GLIS3: variants seen among roughly 807,000 people sequenced by gnomAD.
GLIS3 encodes GLIS family zinc finger 3.
GLIS3 carries 53 observed loss-of-function variants against 78.6 expected under a neutral mutation model. The observed-to-expected ratio is 0.67, with a 90% CI of 0.54 to 0.85. The LOEUF (loss-of-function observed/expected upper bound fraction) is 0.85, where lower values mean the gene tolerates loss of function less well. GLIS3 is among the 40% of genes least tolerant of loss of function. The pLI is 0.00. For synonymous variants in GLIS3, 684 were observed against 509.9 expected (o/e 1.34, Z -4.60); for missense variants, 1,703 against 1,231.1 (o/e 1.38, Z -5.74).
intron 4 of GLIS3, among the ~76,000 whole-genome samples, chr9:4,085,017 C>A (rs1828901882): frequency 1.3e-5 from 2 of 149,114 alleles, no homozygotes; most frequent in Non-Finnish European, 3.0e-5. Flanking sequence ...TAAAAAAAAG[C>A]ACATAGAAAA....
At chr9:3,923,431 G>A (rs772029657) in intron 6 of GLIS3, among the ~76,000 whole-genome samples, 4 of 151,960 alleles carry the variant, frequency 2.6e-5, no homozygotes, top group Non-Finnish European at 5.9e-5. Context: ...TAGTCCATAC[G>A]CCAAAAAATC....
chr9:3,864,851 C>T (rs563080235), intron 8 of GLIS3, among the ~76,000 whole-genome samples: 6 of 152,166 alleles, frequency 3.9e-5, no homozygotes, highest in African/African-American at 1.2e-4. Context: ...GCTACTGTTG[C>T]GTATCTCCAG....
chr9:4,337,950 G>A (rs78590128), intron 2 of GLIS3, among the ~76,000 whole-genome samples: 3,358 of 151,994 alleles, frequency 0.022, 137 homozygotes, highest in African/African-American at 0.077. Context: ...GACCAAGCAG[G>A]AGCTAGGACC....
intron 4 of GLIS3, among the ~76,000 whole-genome samples, chr9:4,101,547 G>T (rs544544808): frequency 1.2e-4 from 18 of 152,108 alleles, no homozygotes; most frequent in Non-Finnish European, 2.6e-4. Context: ...AGTCTCCTGG[G>T]TAGAACACGT....
chr9:3,876,524 T>C (rs1203408681), intron 8 of GLIS3, among the ~76,000 whole-genome samples: 1 of 148,672 alleles, frequency 6.7e-6, no homozygotes, highest in African/African-American at 2.5e-5. Context: ...GAGAATGTCC[T>C]TCTTAGGAGA....
At chr9:4,005,036 C>T (rs1821430189) in intron 4 of GLIS3, among the ~76,000 whole-genome samples, 1 of 152,162 alleles carries the variant, frequency 6.6e-6, no homozygotes, top group Non-Finnish European at 1.5e-5. Flanking sequence ...CCTGATGCCC[C>T]CAGTGGTGAA....
At chr9:4,081,620 T>C (rs996240864) in intron 4 of GLIS3, among the ~76,000 whole-genome samples, 1 of 152,208 alleles carries the variant, frequency 6.6e-6, no homozygotes, top group Non-Finnish European at 1.5e-5. Context: ...ATATTTTGAT[T>C]GTGCTAAGCC....
rs545552232 is a variant in GLIS3, at chr9:4,104,600, G to C, written c.1710+13168C>G. On this transcript the variant is annotated intron_variant, in intron 4 of 10. Transcript: ENST00000381971. ...TCTACTCAAAAGCATCCTTTCAGTG[G>C]CCTCCAAGGTCCTAAACAATCTAGC... is the stretch of plus-strand genomic sequence containing the variant. 3.3e-5 allele frequency among the ~76,000 whole-genome samples: 5 copies of C among 152,182 alleles called. No individual in the cohort carries two copies. In the South Asian group the frequency reaches 1.0e-3, roughly 32 times the overall value.
the GLIS3 span, among the ~76,000 whole-genome samples, chr9:4,457,416 G>A: frequency 2.0e-5 from 3 of 151,736 alleles, no homozygotes; most frequent in Admixed American, 2.0e-4. Flanking sequence ...TGCATTGATT[G>A]CACCCTCTGG....
At chr9:4,410,054 T>C in the GLIS3 span, among the ~76,000 whole-genome samples, 1 of 152,042 alleles carries the variant, frequency 6.6e-6, no homozygotes, top group Non-Finnish European at 1.5e-5. Flanking sequence ...CACTGCAAAC[T>C]CTGCCTCCCA....
the GLIS3 span, among the ~76,000 whole-genome samples, chr9:4,456,401 T>C: frequency 6.6e-6 from 1 of 152,306 alleles, no homozygotes; most frequent in Admixed American, 6.5e-5. Context: ...TCACAAAAGC[T>C]TTCTCTAGCA....
At chr9:4,464,023 G>A in the GLIS3 span, among the ~76,000 whole-genome samples, 2 of 152,230 alleles carry the variant, frequency 1.3e-5, no homozygotes, top group Non-Finnish European at 2.9e-5. Flanking sequence ...ATGCAATCTA[G>A]TGGGTCCTAA....
chr9:4,118,142 C>A lies in GLIS3; in HGVS notation c.1336G>T (p.Ala446Ser). 2.6e-6 allele frequency: 4 copies of A among 1,546,396 alleles called. No homozygotes were observed. The highest frequency in any genetic ancestry group is 3.5e-6 in the Non-Finnish European group (4 of 1,145,110). The change falls in exon 4 of 11, where the codon GCG becomes TCG. Residue 446 changes from alanine (A) to serine (S), a missense_variant. Physicochemically the swap from Ala to Ser is moderately conservative, Grantham distance 99 (BLOSUM62 1). Coordinates refer to ENST00000381971, the MANE Select transcript of GLIS3 (RefSeq NM_001042413.2). The surrounding 1 kb of genome is among the most constrained non-coding windows in gnomAD (Gnocchi z 4.7). ...FPGSTVDLPP[A>S]PPLPPLPPPP... ...GGCGGCAGAGGAGGGAGCGGAGGCG[C>A]GGGGGGTAGGTCTACGGTGCTGCCC... is the stretch of plus-strand genomic sequence containing the variant.
At chr9:4,389,905 C>A in the GLIS3 span, among the ~76,000 whole-genome samples, 1 of 152,158 alleles carries the variant, frequency 6.6e-6, no homozygotes, top group African/African-American at 2.4e-5. Flanking sequence ...GTGGCAGATA[C>A]GTAAGAAGCA....
At chr9:4,244,508 G>T (rs77671110) in intron 2 of GLIS3, among the ~76,000 whole-genome samples, 4,147 of 152,178 alleles carry the variant, frequency 0.027, 201 homozygotes, top group African/African-American at 0.093. Flanking sequence ...TTTTTAAGGT[G>T]AACTGCTTTT....
intron 4 of GLIS3, among the ~76,000 whole-genome samples, chr9:4,073,724 T>A (rs1827814973): frequency 6.6e-6 from 1 of 152,172 alleles, no homozygotes; most frequent in South Asian, 2.1e-4. Context: ...AAACGCTTGC[T>A]CCCCCAATAG....
the GLIS3 span, among the ~76,000 whole-genome samples, chr9:4,432,723 CT>C: frequency 6.9e-6 from 1 of 144,410 alleles, no homozygotes; most frequent in African/African-American, 2.6e-5. Flanking sequence ...TCACTGTAAA[CT>C]CCGCCCCCTG....
At chr9:4,250,083 T>C (rs1395141872) in intron 2 of GLIS3, among the ~76,000 whole-genome samples, 1 of 152,194 alleles carries the variant, frequency 6.6e-6, no homozygotes, top group East Asian at 1.9e-4. Flanking sequence ...AAATTTTCTT[T>C]TTTTGTTGTA....
chr9:4,238,342 G>T (rs1207930009), intron 2 of GLIS3, among the ~76,000 whole-genome samples: 1 of 152,142 alleles, frequency 6.6e-6, no homozygotes, highest in Non-Finnish European at 1.5e-5. Context: ...TGTTGTTTTG[G>T]TGGAGAGGAA....
Sources: allele counts gnomAD v4.1 joint callset (sites outside exome capture counted in the v4.1 genomes callset), GRCh38; gene constraint gnomAD v4.1.1; non-coding constraint Gnocchi (gnomAD v3.1); transcripts MANE v1.5; gene names NCBI Gene and HGNC (gene_info 2026-07-23, HGNC 2026-07-21).